DDAH1: variants seen among roughly 807,000 people sequenced by gnomAD.
DDAH1 encodes the protein dimethylarginine dimethylaminohydrolase 1, also known as N(G),N(G)-dimethylarginine dimethylaminohydrolase 1.
In DDAH1, 19 loss-of-function variants were observed where a neutral mutation model predicts 28.8. The observed-to-expected ratio is 0.66, with a 90% confidence interval of 0.46 to 0.97. The LOEUF is 0.97. DDAH1 is among the 50% of genes least tolerant of loss of function. The pLI is 0.00. For synonymous variants in DDAH1, 153 were observed against 154.4 expected, an observed-to-expected ratio of 0.99 and a Z score of 0.07; for missense variants, 326 against 375.9, an observed-to-expected ratio of 0.87 and a Z score of 1.10.
intron 4 of DDAH1, 107 bp from the exon 5 acceptor site, chr1:85,324,990 T>C: frequency 1.5e-6 from 2 of 1,335,414 alleles, no homozygotes; most frequent in East Asian, 2.4e-5. Context: ...CTTTAGGCTG[T>C]TCCTCTGTTC....
intron 1 of DDAH1, among the ~76,000 whole-genome samples, chr1:85,507,669 T>C (rs765280022): frequency 7.2e-5 from 11 of 152,184 alleles, no homozygotes; most frequent in Non-Finnish European, 1.5e-4. Context: ...TATTCAGGTT[T>C]TCCCTAAATG....
chr1:85,499,150 GAGATGCTTTATGTAT>G (rs1557694932), intron 1 of DDAH1, among the ~76,000 whole-genome samples: 2 of 152,056 alleles, frequency 1.3e-5, no homozygotes, highest in African/African-American at 4.8e-5. Flanking sequence ...GTTTATAAAA[GAGATGCTTTATGTAT>G]AAAGCATAAG....
chr1:85,519,671 C>T (rs1474650250), intron 1 of DDAH1, among the ~76,000 whole-genome samples: 1 of 152,048 alleles, frequency 6.6e-6, no homozygotes. Context: ...TCAATAATCA[C>T]AATAAACATA....
At chr1:85,420,687 A>G (rs1369985480) in intron 1 of DDAH1, among the ~76,000 whole-genome samples, 1 of 152,110 alleles carries the variant, frequency 6.6e-6, no homozygotes, top group Non-Finnish European at 1.5e-5. Flanking sequence ...CAGTCATTTA[A>G]CCAGTCTCTA....
intron 5 of DDAH1, among the ~76,000 whole-genome samples, chr1:85,322,332 G>C (rs1201980679): frequency 6.6e-6 from 1 of 152,182 alleles, no homozygotes; most frequent in Non-Finnish European, 1.5e-5. Flanking sequence ...AGGTTAAACT[G>C]CTTTTAAATT....
intron 1 of DDAH1, among the ~76,000 whole-genome samples, chr1:85,521,166 C>G (rs1288296516): frequency 2.0e-5 from 3 of 152,008 alleles, no homozygotes; most frequent in Non-Finnish European, 1.5e-5. Flanking sequence ...CATCATTCTG[C>G]CTTCAAGTTA....
chr1:85,328,871 G>A (rs1016446425), intron 4 of DDAH1, among the ~76,000 whole-genome samples: 2 of 152,190 alleles, frequency 1.3e-5, no homozygotes, highest in African/African-American at 4.8e-5. Context: ...ACACATTCAG[G>A]CTAAGTGCTC....
intron 1 of DDAH1, among the ~76,000 whole-genome samples, chr1:85,406,365 G>C (rs1251671761): frequency 6.6e-6 from 1 of 151,990 alleles, no homozygotes; most frequent in African/African-American, 2.4e-5. Flanking sequence ...ATTACATTTG[G>C]TTTCTTTCTC....
intron 4 of DDAH1, among the ~76,000 whole-genome samples, chr1:85,348,232 G>T (rs1390366909): frequency 6.6e-6 from 1 of 152,166 alleles, no homozygotes; most frequent in Admixed American, 6.5e-5. Flanking sequence ...CATGGGAAGG[G>T]AAAGATGAAG....
intron 1 of DDAH1, chr1:85,398,578 G>T (rs1440045675): frequency 6.6e-6 from 1 of 152,170 alleles, no homozygotes; most frequent in Non-Finnish European, 1.5e-5. Flanking sequence ...CAAGTCTCAT[G>T]TGTGATGTGC....
At chr1:85,392,441 G>A (rs535830440) in intron 1 of DDAH1, among the ~76,000 whole-genome samples, 9 of 152,192 alleles carry the variant, frequency 5.9e-5, no homozygotes, top group African/African-American at 2.2e-4. Context: ...TTCAACATAC[G>A]AATTCTGAGA....
chr1:85,495,343 A>G (rs1283948521), intron 2 of DDAH1: 1 of 152,204 alleles, frequency 6.6e-6, no homozygotes, highest in Non-Finnish European at 1.5e-5. Context: ...TGAAGAGAAG[A>G]AAGAGAGGTC....
At chr1:85,521,024 TAA>T (rs1364657369) in intron 1 of DDAH1, among the ~76,000 whole-genome samples, 4 of 152,266 alleles carry the variant, frequency 2.6e-5, no homozygotes, top group Non-Finnish European at 4.4e-5. Flanking sequence ...CTGAAAGTGT[TAA>T]GTTACCTCTC....
At chr1:85,355,282 G>A (rs898123116) in intron 2 of DDAH1, among the ~76,000 whole-genome samples, 2 of 152,090 alleles carry the variant, frequency 1.3e-5, no homozygotes, top group African/African-American at 4.8e-5. Context: ...TGTTTCCAAA[G>A]TTTAAGGAAT....
chr1:85,426,926 A>AAC (rs1384117049), intron 1 of DDAH1, among the ~76,000 whole-genome samples: 3 of 146,560 alleles, frequency 2.0e-5, no homozygotes, highest in Non-Finnish European at 4.6e-5. Context: ...AAAAACAAAA[A>AAC]AAAAAAAAAA....
intron 1 of DDAH1, among the ~76,000 whole-genome samples, chr1:85,536,746 A>G (rs1356644801): frequency 6.6e-6 from 1 of 152,040 alleles, no homozygotes; most frequent in African/African-American, 2.4e-5. Flanking sequence ...TAGGAAAACA[A>G]TATGGAAGTT....
At chr1:85,408,507 T>TTACTTTACAAAAAAAG in intron 1 of DDAH1, among the ~76,000 whole-genome samples, 1 of 152,318 alleles carries the variant, frequency 6.6e-6, no homozygotes, top group East Asian at 1.9e-4. Context: ...GTTCTATAAC[T>TTACTTTACAAAAAAAG]TACTTTACAA....
intron 4 of DDAH1, among the ~76,000 whole-genome samples, chr1:85,332,176 C>T (rs1327777354): frequency 6.6e-6 from 1 of 152,194 alleles, no homozygotes; most frequent in Non-Finnish European, 1.5e-5. Flanking sequence ...AGCCCATTTC[C>T]CACCAGACTG....
intron 1 of DDAH1, among the ~76,000 whole-genome samples, chr1:85,382,993 C>T (rs1469634396): frequency 2.6e-5 from 4 of 152,312 alleles, no homozygotes; most frequent in East Asian, 1.9e-4. Context: ...GATAGAAATG[C>T]TCAAGGGGAT....
Sources: allele counts gnomAD v4.1 joint callset (sites outside exome capture counted in the v4.1 genomes callset), GRCh38; gene constraint gnomAD v4.1.1; transcripts MANE v1.5; gene names NCBI Gene and HGNC (gene_info 2026-07-23, HGNC 2026-07-21).